SBF2: variants seen among roughly 807,000 people sequenced by gnomAD.
SBF2 encodes myotubularin-related protein 13.
SBF2 carries 112 observed loss-of-function variants against 225.2 expected under a neutral mutation model. The observed-to-expected ratio is 0.50, with a 90% CI of 0.43 to 0.58. SBF2 has a LOEUF of 0.58. Ranked by LOEUF, SBF2 falls within the 20% of genes least tolerant of loss-of-function variation. The probability of loss-of-function intolerance (pLI) is 0.00; values close to 1 mark genes in which losing one functional copy is unlikely to be tolerated. For missense variants in SBF2, 1,996 were observed against 2,206.2 expected, an observed-to-expected ratio of 0.90 and a Z score of 1.91; for synonymous variants, 763 against 773.3, an observed-to-expected ratio of 0.99 and a Z score of 0.22.
intron 16 of SBF2, among the ~76,000 whole-genome samples, chr11:9,931,078 C>A (rs549768792): frequency 2.0e-5 from 3 of 152,368 alleles, no homozygotes; most frequent in African/African-American, 4.8e-5. Flanking sequence ...CTGCAGCTTG[C>A]GTAGGTAAAC....
chr11:10,197,102 A>G (rs1390474759), intron 1 of SBF2, among the ~76,000 whole-genome samples: 1 of 152,094 alleles, frequency 6.6e-6, no homozygotes, highest in East Asian at 1.9e-4. Flanking sequence ...GCAGCACTGT[A>G]GCATCTGTCA....
intron 3 of SBF2, among the ~76,000 whole-genome samples, chr11:10,032,591 A>C (rs1033008996): frequency 6.6e-6 from 1 of 152,208 alleles, no homozygotes; most frequent in African/African-American, 2.4e-5. Context: ...ATGTTATTTA[A>C]AACTGCAATG....
rs1284700305 is a variant in SBF2, at chr11:10,193,897, C to G, written c.141+5G>C. 1 of 1,596,890 alleles carries G rather than the reference C, an allele frequency of 6.3e-7. No individual in the cohort carries two copies. Among genetic ancestry groups the G allele is most frequent in the South Asian group, 1.1e-5 (1 of 90,756 alleles). ...TAAATATGCAATAATACAACAACCACTTACCAACTCAATTCCCTGTGGAAA... is the reference window on the plus strand; with the variant it reads ...TAAATATGCAATAATACAACAACCAGTTACCAACTCAATTCCCTGTGGAAA... On this transcript the variant is annotated splice_donor_5th_base_variant and intron_variant, in intron 2 of 39. Coordinates refer to ENST00000256190, the MANE Select transcript of SBF2 (RefSeq NM_030962.4).
intron 6 of SBF2, among the ~76,000 whole-genome samples, chr11:10,023,202 G>A (rs1029476260): frequency 6.6e-6 from 1 of 151,930 alleles, no homozygotes; most frequent in African/African-American, 2.4e-5. Flanking sequence ...TCTGAGGTAG[G>A]TGACAATCCC....
intron 2 of SBF2, among the ~76,000 whole-genome samples, chr11:10,108,847 T>A (rs1393234487): frequency 6.6e-6 from 1 of 152,278 alleles, no homozygotes; most frequent in South Asian, 2.1e-4. Context: ...TTAAGGGGAC[T>A]GTATGTACCA....
In SBF2 at chr11:10,118,934, AAAC is replaced by A. The variant is rs1953300662; in HGVS notation, c.141+74965_141+74967del. ...AAAAAACAAAACTAAACAAACAAAC[AAAC>A]AAAAAAAAAACACTCAGCATCTTCC... On this transcript the variant is annotated intron_variant, in intron 2 of 39. Coordinates refer to ENST00000256190, the MANE Select transcript of SBF2 (RefSeq NM_030962.4). Among the ~76,000 whole-genome samples the A allele has an allele frequency of 2.0e-5, 3 of 149,646 alleles. No individual in the cohort carries two copies. The South Asian group carries it at 6.4e-4, about 32-fold the overall frequency.
chr11:10,268,735 T>A (rs980265120), intron 1 of SBF2, among the ~76,000 whole-genome samples: 2 of 152,240 alleles, frequency 1.3e-5, no homozygotes, highest in Admixed American at 1.3e-4. Flanking sequence ...GATAGCATAC[T>A]GTGATATATT....
chr11:10,192,679 G>A (rs1957220296), intron 2 of SBF2, among the ~76,000 whole-genome samples: 1 of 151,948 alleles, frequency 6.6e-6, no homozygotes, highest in Non-Finnish European at 1.5e-5. Context: ...TATTCTGCTG[G>A]CTCAAAGTAG....
At chr11:9,999,312 TGTATGTATGTATGTATGTA>T (rs1565114018) in intron 8 of SBF2, among the ~76,000 whole-genome samples, 6 of 151,240 alleles carry the variant, frequency 4.0e-5, no homozygotes, top group African/African-American at 1.2e-4. Context: ...TATGTATGTA[TGTATGTATGTATGTATGTA>T]TTTATTTTTG....
chr11:9,978,433 C>G (rs1373005737), intron 13 of SBF2, among the ~76,000 whole-genome samples: 1 of 151,830 alleles, frequency 6.6e-6, no homozygotes, highest in East Asian at 1.9e-4. Context: ...CTAATAAGTA[C>G]TTAACTAATA....
At chr11:9,938,250 C>T (rs1295087814) in intron 16 of SBF2, among the ~76,000 whole-genome samples, 6 of 150,368 alleles carry the variant, frequency 4.0e-5, no homozygotes, top group African/African-American at 1.5e-4. Flanking sequence ...GAGATCCAGC[C>T]ACTGCACTCC....
intron 2 of SBF2, among the ~76,000 whole-genome samples, chr11:10,074,110 T>C (rs1197513644): frequency 6.6e-6 from 1 of 152,106 alleles, no homozygotes; most frequent in Non-Finnish European, 1.5e-5. Flanking sequence ...ATTAGAAGGG[T>C]TTGAGGCCAG....
At position 10,304,144 on chromosome 11, in the gene SBF2, G is replaced by T. The variant is rs5000; in HGVS notation, n.386+348C>A. ...TGGGAAAAGGAATGTTACCTTCCTT[G>T]CCTGACTCAAGGGTGGCTGTGAAGC... is the stretch of plus-strand genomic sequence containing the variant. On this transcript the variant is annotated intron_variant and non_coding_transcript_variant, in intron 1 of 5. Coordinates refer to the SBF2 transcript ENST00000685217. Among the ~76,000 whole-genome samples, 695 of 152,250 alleles carry T rather than the reference G, an allele frequency of 4.6e-3. 4 individuals carry two copies. The highest frequency in any genetic ancestry group is 0.016 in the African/African-American group (658 of 41,536).
Position 9,779,539 on chromosome 11 carries a change from G to GGTGC in SBF2, c.*875_*878dup, listed in dbSNP as rs1235348282. 6.5e-6 allele frequency: 1 copy of GGTGC among 152,690 alleles called. No individual in the cohort carries two copies. Among genetic ancestry groups the GGTGC allele is most frequent in the Admixed American group, 6.5e-5 (1 of 15,290 alleles). The allele number at this position is 152,690 out of a possible 1,614,324, so 9.5% of individuals were successfully genotyped here. ...TGTGGTCAACACAGCCCTTGTCACA[G>GGTGC]GTGCGTATGGTCCTAAATAGCTGGC... is the stretch of plus-strand genomic sequence containing the variant. On this transcript the variant is annotated 3_prime_UTR_variant, in exon 40 of 40. Transcript: ENST00000256190.
At chr11:9,885,332 T>C (rs1828639) in intron 17 of SBF2, among the ~76,000 whole-genome samples, 121,234 of 145,340 alleles carry the variant, frequency 0.83, 51,013 homozygotes, top group African/African-American at 0.87. Context: ...GAACATGATG[T>C]CAATACTCTT....
chr11:10,241,515 A>G (rs1270442071), intron 1 of SBF2, among the ~76,000 whole-genome samples: 1 of 152,088 alleles, frequency 6.6e-6, no homozygotes, highest in Non-Finnish European at 1.5e-5. Flanking sequence ...TGACAAAGCT[A>G]AAAGTTGGTT....
intron 2 of SBF2, among the ~76,000 whole-genome samples, chr11:10,135,421 A>C (rs552833084): frequency 6.6e-6 from 1 of 152,242 alleles, no homozygotes; most frequent in South Asian, 2.1e-4. Context: ...GCTGGCTTGA[A>C]TTTCTCCTTA....
chr11:9,801,248 A>G (rs1853475197), intron 32 of SBF2, among the ~76,000 whole-genome samples: 1 of 152,208 alleles, frequency 6.6e-6, no homozygotes, highest in Non-Finnish European at 1.5e-5. Flanking sequence ...GACTTAAAAG[A>G]CTAAACTGCA....
chr11:9,942,565 G>C (rs1368400369), intron 16 of SBF2, among the ~76,000 whole-genome samples: 2 of 152,258 alleles, frequency 1.3e-5, no homozygotes, highest in East Asian at 3.9e-4. Context: ...ACATTTCTTA[G>C]GAAGATACAG....
Sources: gnomAD v4.1 joint callset for allele counts (sites outside exome capture counted in the v4.1 genomes callset) on GRCh38, gnomAD v4.1.1 for gene constraint, MANE v1.5 for transcripts, NCBI Gene and HGNC (gene_info 2026-07-23, HGNC 2026-07-21) for gene names.